Variants in PAX5 observed in about 807,000 individuals in gnomAD.
PAX5 encodes the protein paired box 5.
In PAX5, 9 loss-of-function variants were observed where a neutral mutation model predicts 43.7. The observed-to-expected ratio is 0.21, with a 90% CI of 0.12 to 0.36. The LOEUF (loss-of-function observed/expected upper bound fraction) is 0.36. PAX5 is among the 10% of genes least tolerant of loss of function. The pLI, the probability that PAX5 is intolerant of heterozygous loss-of-function variation, is 1.00. For synonymous variants in PAX5, 228 were observed against 214.3 expected (o/e 1.06, Z -0.56); for missense variants, 383 against 532.7 (o/e 0.72, Z 2.77).
At chr9:36,937,183 G>A (rs1300768010) in intron 6 of PAX5, among the ~76,000 whole-genome samples, 2 of 152,208 alleles carry the variant, frequency 1.3e-5, no homozygotes, top group African/African-American at 4.8e-5. Flanking sequence ...GGTGCTTACT[G>A]TGTACCAGGT....
At chr9:36,897,268 C>G (rs1428435849) in intron 7 of PAX5, among the ~76,000 whole-genome samples, 1 of 152,142 alleles carries the variant, frequency 6.6e-6, no homozygotes, top group African/African-American at 2.4e-5. Context: ...CTGTGAGCGG[C>G]CTTCACGCTG....
chr9:36,927,664 C>G (rs180811090), intron 6 of PAX5, among the ~76,000 whole-genome samples: 1 of 151,942 alleles, frequency 6.6e-6, no homozygotes, highest in Non-Finnish European at 1.5e-5. Flanking sequence ...CACTTGGAAA[C>G]GAGTCCTTAG....
Position 37,015,994 on chromosome 9 carries a change from A to G in PAX5, c.213-800T>C, listed in dbSNP as rs1281666720. Among the ~76,000 whole-genome samples the G allele has an allele frequency of 6.6e-6, 1 of 152,232 alleles. No homozygotes were observed. The highest frequency in any genetic ancestry group is 1.5e-5 in the Non-Finnish European group (1 of 68,034). On this transcript the variant is annotated intron_variant, in intron 2 of 9. Coordinates refer to ENST00000358127, the MANE Select transcript of PAX5 (RefSeq NM_016734.3). The surrounding 1 kb of genome is among the most constrained non-coding windows in gnomAD (Gnocchi z 4.4). ...ACTTTCGAGTCAGTTTTCCCATTTT[A>G]TCTCCAACAGTTCTAAAGCACATAA...
chr9:36,874,757 G>C (rs891363984), intron 8 of PAX5, among the ~76,000 whole-genome samples: 30 of 152,168 alleles, frequency 2.0e-4, no homozygotes, highest in African/African-American at 6.0e-4. Context: ...TGATCCACAG[G>C]CTCCAGGAGG....
At chr9:36,866,148 G>C (rs1166696046) in intron 8 of PAX5, among the ~76,000 whole-genome samples, 1 of 152,246 alleles carries the variant, frequency 6.6e-6, no homozygotes, top group Non-Finnish European at 1.5e-5. Flanking sequence ...GTCTGCTCCT[G>C]GTGGCTGAAG....
At position 37,034,101 on chromosome 9, in the gene PAX5, T is replaced by TTTTTC; in HGVS notation, c.-71_-70insGAAAA. 1 of 295,656 alleles carries TTTTTC rather than the reference T, an allele frequency of 3.4e-6. No homozygotes were observed. The highest frequency in any genetic ancestry group is 5.9e-6 in the Non-Finnish European group (1 of 168,370). 18.3% of individuals were successfully genotyped at this position (295,656 alleles called of 1,614,324 possible). On this transcript the variant is annotated 5_prime_UTR_variant, in exon 1 of 10. Transcript: ENST00000358127. ...ACTTTTTTGTGCCTTTTTTTTTCTT[T>TTTTTC]TTTTTTTTTTTTTTTTTTTTTTTTT...
At chr9:36,895,178 G>A (rs1376089313) in intron 7 of PAX5, among the ~76,000 whole-genome samples, 3 of 152,238 alleles carry the variant, frequency 2.0e-5, no homozygotes, top group Admixed American at 6.5e-5. Context: ...TGCGGAAGAC[G>A]AGAGGCGCAG....
intron 5 of PAX5, among the ~76,000 whole-genome samples, chr9:36,981,848 C>G (rs1205689723): frequency 6.6e-6 from 1 of 152,268 alleles, no homozygotes; most frequent in Non-Finnish European, 1.5e-5. Context: ...GCCTACAGCA[C>G]TGGTCAGAGC....
intron 6 of PAX5, among the ~76,000 whole-genome samples, chr9:36,954,395 T>G (rs934774813): frequency 6.6e-6 from 1 of 152,254 alleles, no homozygotes; most frequent in Non-Finnish European, 1.5e-5. Context: ...TCTTTCTTAT[T>G]GAAGTACATG....
At chr9:37,020,320 G>C (rs1198063848) in intron 2 of PAX5, among the ~76,000 whole-genome samples, 1 of 152,122 alleles carries the variant, frequency 6.6e-6, no homozygotes, top group Non-Finnish European at 1.5e-5. Flanking sequence ...TCCTACGCGG[G>C]GACCCAGGCT....
At chr9:37,003,488 A>G (rs1354651008) in intron 4 of PAX5, among the ~76,000 whole-genome samples, 1 of 152,208 alleles carries the variant, frequency 6.6e-6, no homozygotes, top group Admixed American at 6.5e-5. Context: ...TGATAATCCT[A>G]TTGGAAAGGT....
intron 7 of PAX5, among the ~76,000 whole-genome samples, chr9:36,920,213 G>T (rs1416929061): frequency 1.3e-5 from 2 of 152,224 alleles, no homozygotes; most frequent in Non-Finnish European, 2.9e-5. Flanking sequence ...CATAAACTTA[G>T]TTGGTAGGGT....
intron 6 of PAX5, among the ~76,000 whole-genome samples, chr9:36,929,226 GGAAGGAAGGAGGAAGGAAGGAAGGAAGGA>G (rs1830912685): frequency 2.1e-5 from 3 of 146,166 alleles, no homozygotes; most frequent in African/African-American, 5.1e-5. Context: ...GAAGGAAGAA[GGAAGGAAGGAGGAAGGAAGGAAGGAAGGA>G]AGGAAGGAAG....
intron 1 of PAX5, among the ~76,000 whole-genome samples, chr9:37,023,380 C>G (rs1840023925): frequency 2.0e-5 from 3 of 152,154 alleles, no homozygotes; most frequent in Admixed American, 2.0e-4. Flanking sequence ...ACCCAAGTCC[C>G]AGCCTGTACT....
At chr9:36,976,116 T>C (rs1835406259) in intron 5 of PAX5, among the ~76,000 whole-genome samples, 1 of 152,226 alleles carries the variant, frequency 6.6e-6, no homozygotes, top group Non-Finnish European at 1.5e-5. Context: ...TCTCGCCTAC[T>C]TCTAAGACAG....
chr9:36,951,894 C>T (rs925631856), intron 6 of PAX5, among the ~76,000 whole-genome samples: 18 of 152,186 alleles, frequency 1.2e-4, no homozygotes, highest in Admixed American at 1.1e-3. Context: ...TGCTCACTGG[C>T]ATCCTTGACC....
At chr9:36,993,039 A>ATG (rs1837071578) in intron 5 of PAX5, among the ~76,000 whole-genome samples, 1 of 152,226 alleles carries the variant, frequency 6.6e-6, no homozygotes, top group Non-Finnish European at 1.5e-5. Flanking sequence ...ATTAATGCTA[A>ATG]TGTGTGATTT....
intron 5 of PAX5, among the ~76,000 whole-genome samples, chr9:36,986,688 T>C (rs1169702753): frequency 6.6e-6 from 1 of 152,030 alleles, no homozygotes; most frequent in Non-Finnish European, 1.5e-5. Context: ...GGGCGGGAGC[T>C]AGGCCCACGG....
intron 5 of PAX5, among the ~76,000 whole-genome samples, chr9:36,984,187 T>G (rs1332001519): frequency 1.3e-5 from 2 of 152,050 alleles, no homozygotes; most frequent in African/African-American, 2.4e-5. Context: ...AAAATCACCT[T>G]GAAAAATCAG....
Sources: gnomAD v4.1 joint callset for allele counts (sites outside exome capture counted in the v4.1 genomes callset) on GRCh38, gnomAD v4.1.1 for gene constraint, Gnocchi (gnomAD v3.1) non-coding constraint, MANE v1.5 for transcripts, NCBI Gene and HGNC (gene_info 2026-07-23, HGNC 2026-07-21) for gene names.